TBC1D4: variants seen among roughly 807,000 people sequenced by gnomAD.
TBC1D4 encodes the protein TBC (Tre-2, BUB2, CDC16) domain-containing protein.
A neutral mutation model predicts 142.5 loss-of-function variants in TBC1D4; 121 were observed. The observed-to-expected ratio is 0.85, with a 90% confidence interval of 0.73 to 0.99. TBC1D4 has a LOEUF of 0.99. TBC1D4 is among the 50% of genes least tolerant of loss of function. The probability of loss-of-function intolerance (pLI) is 0.00; values close to 1 mark genes in which losing one functional copy is unlikely to be tolerated. For synonymous variants in TBC1D4, 630 were observed against 628.2 expected (o/e 1.00, Z -0.04); for missense variants, 1,475 against 1,606.6 (o/e 0.92, Z 1.40).
chr13:75,405,912 C>G (rs747022513), intron 1 of TBC1D4, among the ~76,000 whole-genome samples: 19 of 152,132 alleles, frequency 1.2e-4, no homozygotes, highest in Non-Finnish European at 2.2e-4. Flanking sequence ...AATTAAGTGT[C>G]ATTTTATTTT....
At chr13:75,410,076 C>G (rs955863935) in intron 1 of TBC1D4, among the ~76,000 whole-genome samples, 2 of 152,198 alleles carry the variant, frequency 1.3e-5, no homozygotes, top group Admixed American at 1.3e-4. Context: ...AAAATAACAG[C>G]ACTCTCAGAG....
chr13:75,364,742 T>C (rs184746595), intron 1 of TBC1D4, among the ~76,000 whole-genome samples: 62 of 152,360 alleles, frequency 4.1e-4, no homozygotes, highest in African/African-American at 1.4e-3. Context: ...TTACTAAATA[T>C]TTTTAATCTG....
intron 17 of TBC1D4, among the ~76,000 whole-genome samples, chr13:75,295,216 T>C (rs1297469402): frequency 2.6e-5 from 4 of 152,198 alleles, no homozygotes; most frequent in African/African-American, 4.8e-5. Context: ...AAAGTCTATC[T>C]AAGAAGACTG....
chr13:75,448,919 G>A (rs1887411539), intron 1 of TBC1D4, among the ~76,000 whole-genome samples: 1 of 151,994 alleles, frequency 6.6e-6, no homozygotes, highest in Admixed American at 6.6e-5. Flanking sequence ...AGCAGATTAT[G>A]TGAAATTTTA....
At chr13:75,450,260 T>C (rs573078936) in intron 1 of TBC1D4, among the ~76,000 whole-genome samples, 62 of 152,348 alleles carry the variant, frequency 4.1e-4, no homozygotes, top group Admixed American at 9.1e-4. Context: ...TTTTCTTCAT[T>C]ATGATGCGGT....
chr13:75,461,918 A>G (rs1238321372), intron 1 of TBC1D4, among the ~76,000 whole-genome samples: 1 of 152,214 alleles, frequency 6.6e-6, no homozygotes, highest in Non-Finnish European at 1.5e-5. Flanking sequence ...AATTAACATG[A>G]GCTTAGGCTA....
Position 75,356,563 on chromosome 13 carries a change from G to A in TBC1D4, c.1171-312C>T, listed in dbSNP as rs571067915. On this transcript the variant is annotated intron_variant, in intron 3 of 20. Coordinates refer to ENST00000377636, the MANE Select transcript of TBC1D4 (RefSeq NM_014832.5). ...ATGCTACTCCATGTCTGCAAGTAAC[G>A]GAGTTTTCAGTTTACTGTCTTCTTG... 3.3e-5 allele frequency among the ~76,000 whole-genome samples: 5 copies of A among 152,258 alleles called. No homozygotes were observed. The East Asian group carries it at 5.8e-4, about 18-fold the overall frequency.
chr13:75,296,281 C>T (rs2137859403), intron 17 of TBC1D4, among the ~76,000 whole-genome samples: 1 of 151,564 alleles, frequency 6.6e-6, no homozygotes, highest in African/African-American at 2.4e-5. Flanking sequence ...CCATTTACAT[C>T]GTAGAAACGA....
At chr13:75,385,826 ACT>A (rs1379699519) in intron 1 of TBC1D4, among the ~76,000 whole-genome samples, 1 of 152,156 alleles carries the variant, frequency 6.6e-6, no homozygotes, top group African/African-American at 2.4e-5. Context: ...TATTGAACCC[ACT>A]CATAAAATCA....
At chr13:75,336,164 C>T (rs1386519648) in intron 8 of TBC1D4, among the ~76,000 whole-genome samples, 5 of 152,038 alleles carry the variant, frequency 3.3e-5, no homozygotes, top group East Asian at 3.9e-4. Flanking sequence ...TTTGGGAGGC[C>T]GACGTGGGTG....
chr13:75,375,316 G>A (rs1883436551), intron 1 of TBC1D4, among the ~76,000 whole-genome samples: 1 of 152,146 alleles, frequency 6.6e-6, no homozygotes, highest in East Asian at 1.9e-4. Flanking sequence ...CAATTCTGGG[G>A]GCCACTCCCA....
chr13:75,303,804 T>G (rs1240543935), intron 15 of TBC1D4, among the ~76,000 whole-genome samples: 2 of 152,236 alleles, frequency 1.3e-5, no homozygotes, highest in Non-Finnish European at 2.9e-5. Context: ...GTCCCTGATG[T>G]ATACTAGACG....
intron 7 of TBC1D4, among the ~76,000 whole-genome samples, chr13:75,339,267 T>C (rs1880476898): frequency 6.6e-6 from 1 of 151,520 alleles, no homozygotes. Flanking sequence ...ATTAAAACAT[T>C]CTCCCAACTG....
intron 1 of TBC1D4, among the ~76,000 whole-genome samples, chr13:75,425,684 C>T (rs1473609749): frequency 6.6e-6 from 1 of 152,046 alleles, no homozygotes. Context: ...ACTTGGAGAA[C>T]GTGATGTTAA....
At chr13:75,400,428 T>C (rs9318341) in intron 1 of TBC1D4, among the ~76,000 whole-genome samples, 150,868 of 151,618 alleles carry the variant, frequency 1, 75,066 homozygotes, top group Middle Eastern at 1. Context: ...CAAAGTGTTC[T>C]TTCTAAATAC....
chr13:75,385,775 C>T (rs914561427), intron 1 of TBC1D4, among the ~76,000 whole-genome samples: 4 of 152,076 alleles, frequency 2.6e-5, no homozygotes, highest in Non-Finnish European at 4.4e-5. Context: ...TATTATTATC[C>T]TCATTTTACT....
At chr13:75,377,456 G>C (rs1276641061) in intron 1 of TBC1D4, among the ~76,000 whole-genome samples, 1 of 151,914 alleles carries the variant, frequency 6.6e-6, no homozygotes, top group Non-Finnish European at 1.5e-5. Flanking sequence ...CTTTAATGCA[G>C]GTTTCAAAAT....
intron 1 of TBC1D4, among the ~76,000 whole-genome samples, chr13:75,377,746 G>C (rs1883602042): frequency 6.7e-6 from 1 of 149,970 alleles, no homozygotes; most frequent in Non-Finnish European, 1.5e-5. Flanking sequence ...CAGTATGTGT[G>C]TGTGCATCTA....
chr13:75,335,707 T>C (rs1478880286), intron 8 of TBC1D4, among the ~76,000 whole-genome samples: 6 of 152,034 alleles, frequency 3.9e-5, no homozygotes, highest in Non-Finnish European at 7.4e-5. Flanking sequence ...CCTCATTCTC[T>C]CTCTCTTGTT....
Sources: allele counts gnomAD v4.1 joint callset (sites outside exome capture counted in the v4.1 genomes callset), GRCh38; gene constraint gnomAD v4.1.1; transcripts MANE v1.5; gene names NCBI Gene and HGNC (gene_info 2026-07-23, HGNC 2026-07-21).